C8orf34: variants seen among roughly 807,000 people sequenced by gnomAD.
C8orf34 encodes chromosome 8 open reading frame 34.
C8orf34 carries 65 observed loss-of-function variants against 68.3 expected under a neutral mutation model. The ratio of observed to expected loss-of-function variants is 0.95; its 90% CI spans 0.78 to 1.17. C8orf34 has a LOEUF of 1.17. C8orf34 is among the 50% of genes most tolerant of loss of function. The probability of loss-of-function intolerance (pLI) is 0.00; values close to 1 mark genes in which losing one functional copy is unlikely to be tolerated. For missense variants in C8orf34, 664 were observed against 655.4 expected (o/e 1.01, Z -0.14); for synonymous variants, 244 against 241.2 (o/e 1.01, Z -0.11).
intron 13 of C8orf34, 136 bp downstream of exon 13, chr8:68,816,081 C>T (rs1475349387): frequency 7.2e-7 from 1 of 1,392,980 alleles, no homozygotes; most frequent in Non-Finnish European, 9.8e-7. Flanking sequence ...AAGTATCCTG[C>T]ATAAGATTAT....
In C8orf34 at chr8:68,533,156, T is replaced by G. The variant is rs1815321094; in HGVS notation, c.1105+7T>G. ...GATGCAATGGAATTGCTGGGTAATT[T>G]TAAAAATTAATAATTTCTCATTTTC... is the stretch of plus-strand genomic sequence containing the variant. On this transcript the variant is annotated splice_region_variant and intron_variant, in intron 7 of 13. Transcript: ENST00000518698. 6.4e-7 allele frequency: 1 copy of G among 1,558,332 alleles called. No homozygotes were observed. Among genetic ancestry groups the G allele is most frequent in the Non-Finnish European group, 8.6e-7 (1 of 1,158,304 alleles).
intron 7 of C8orf34, among the ~76,000 whole-genome samples, chr8:68,636,588 A>G (rs145664251): frequency 6.0e-4 from 91 of 152,186 alleles, no homozygotes; most frequent in African/African-American, 1.7e-3. Flanking sequence ...CTGTCTCAAT[A>G]AAAAATAAAT....
intron 1 of C8orf34, among the ~76,000 whole-genome samples, chr8:68,389,336 T>G (rs1040162188): frequency 7.2e-5 from 11 of 152,152 alleles, no homozygotes; most frequent in Non-Finnish European, 1.3e-4. Flanking sequence ...GAATAATACT[T>G]GCATAGTTGC....
rs553337167 is a variant in C8orf34, at chr8:68,455,598, A to G, written c.607+9138A>G. Among the ~76,000 whole-genome samples the G allele has an allele frequency of 1.1e-4, 17 of 152,222 alleles. No homozygotes were observed. The South Asian group carries it at 3.3e-3, about 30-fold the overall frequency. On this transcript the variant is annotated intron_variant, in intron 3 of 13. Transcript: ENST00000518698. ...TATTTGCATGGAATATCTTTTGATC[A>G]TTATTCCTTTATTATTCTTTCTCTT...
chr8:68,503,428 C>T (rs1184775538), intron 5 of C8orf34, among the ~76,000 whole-genome samples: 2 of 152,046 alleles, frequency 1.3e-5, no homozygotes, highest in Non-Finnish European at 2.9e-5. Context: ...AGTGAGTTTA[C>T]CCTTGAATTA....
intron 7 of C8orf34, among the ~76,000 whole-genome samples, chr8:68,596,857 C>G (rs950928623): frequency 1.3e-5 from 2 of 152,100 alleles, no homozygotes; most frequent in Non-Finnish European, 2.9e-5. Context: ...GAACAAAAGG[C>G]TGACAAGGCA....
intron 3 of C8orf34, among the ~76,000 whole-genome samples, chr8:68,467,630 G>C (rs181312483): frequency 6.6e-6 from 1 of 151,980 alleles, no homozygotes; most frequent in East Asian, 1.9e-4. Context: ...TGAAATCCAA[G>C]TCTTGCCATT....
chr8:68,545,920 T>C (rs1815862350), intron 7 of C8orf34, among the ~76,000 whole-genome samples: 1 of 152,108 alleles, frequency 6.6e-6, no homozygotes, highest in Non-Finnish European at 1.5e-5. Flanking sequence ...ATTAAAATTA[T>C]GTGATAAAAC....
At chr8:68,566,595 C>T (rs556786188) in intron 7 of C8orf34, among the ~76,000 whole-genome samples, 17 of 152,342 alleles carry the variant, frequency 1.1e-4, no homozygotes, top group African/African-American at 4.1e-4. Flanking sequence ...TTTTCTTTAG[C>T]TGCTTCCTCA....
intron 1 of C8orf34, among the ~76,000 whole-genome samples, chr8:68,389,603 T>C (rs1346988360): frequency 6.6e-6 from 1 of 152,138 alleles, no homozygotes; most frequent in Non-Finnish European, 1.5e-5. Context: ...TAATTTGTAA[T>C]TATCATATTG....
chr8:68,638,151 G>C (rs1367852321), intron 7 of C8orf34, among the ~76,000 whole-genome samples: 1 of 152,106 alleles, frequency 6.6e-6, no homozygotes, highest in African/African-American at 2.4e-5. Flanking sequence ...ATCTCCCTCT[G>C]AAAGTCTCCA....
chr8:68,674,579 C>T (rs1016964829), intron 8 of C8orf34, among the ~76,000 whole-genome samples: 4 of 151,416 alleles, frequency 2.6e-5, no homozygotes, highest in Admixed American at 6.6e-5. Context: ...AGCTTGAAGG[C>T]AGGCTATTTG....
intron 10 of C8orf34, among the ~76,000 whole-genome samples, chr8:68,722,655 C>T: frequency 6.6e-6 from 1 of 151,914 alleles, no homozygotes; most frequent in Non-Finnish European, 1.5e-5. Context: ...ATACAATTTA[C>T]TTATTTGTTT....
intron 9 of C8orf34, among the ~76,000 whole-genome samples, chr8:68,720,142 G>A (rs937963984): frequency 6.6e-6 from 1 of 151,926 alleles, no homozygotes; most frequent in African/African-American, 2.4e-5. Flanking sequence ...AAAGTAGTAA[G>A]TAAAATCTTT....
chr8:68,746,767 A>T (rs1822511397), intron 10 of C8orf34, among the ~76,000 whole-genome samples: 1 of 149,504 alleles, frequency 6.7e-6, no homozygotes, highest in African/African-American at 2.4e-5. Flanking sequence ...AAAAGAGTCC[A>T]GGACCAGATG....
intron 4 of C8orf34, among the ~76,000 whole-genome samples, chr8:68,479,426 A>C: frequency 6.6e-6 from 1 of 151,754 alleles, no homozygotes; most frequent in Non-Finnish European, 1.5e-5. Flanking sequence ...AGAGAGAGAG[A>C]GAGAGAGAGA....
chr8:68,658,489 A>T (rs1257673800), intron 8 of C8orf34, among the ~76,000 whole-genome samples: 1 of 152,132 alleles, frequency 6.6e-6, no homozygotes, highest in Non-Finnish European at 1.5e-5. Flanking sequence ...TTAAATTCCC[A>T]CTTAATGTAA....
intron 5 of C8orf34, among the ~76,000 whole-genome samples, chr8:68,499,420 G>T (rs1233937707): frequency 6.6e-6 from 1 of 152,186 alleles, no homozygotes; most frequent in African/African-American, 2.4e-5. Context: ...AAATAATAAT[G>T]GAAATGTGTT....
rs1282291648 is a variant in C8orf34 at position 68,794,503 on chromosome 8, A to ATTTTT, written c.1549+6968_1549+6969insTTTTT. 2.0e-4 allele frequency among the ~76,000 whole-genome samples: 16 copies of ATTTTT among 78,400 alleles called. No homozygotes were observed. The South Asian group carries it at 5.7e-3, about 28-fold the overall frequency. 51.4% of individuals were successfully genotyped at this position (78,400 alleles called of 152,430 possible). A position where few individuals can be genotyped will look rare whatever the true frequency, so the allele number is the denominator to read the frequency against. ...TATAAATATATATATATATATATATATATTTTTTTTTTTTTTTTTTAGACA... is the reference window on the plus strand; with the variant it reads ...TATAAATATATATATATATATATATATTTTTTATTTTTTTTTTTTTTTTTTAGACA... On this transcript the variant is annotated intron_variant, in intron 12 of 13. Coordinates refer to ENST00000518698, the MANE Select transcript of C8orf34 (RefSeq NM_052958.4).
Sources: allele counts gnomAD v4.1 joint callset (sites outside exome capture counted in the v4.1 genomes callset), GRCh38; gene constraint gnomAD v4.1.1; transcripts MANE v1.5; gene names NCBI Gene and HGNC (gene_info 2026-07-23, HGNC 2026-07-21).